AGAP1: variants seen among roughly 807,000 people sequenced by gnomAD.
AGAP1 encodes arf-GAP with GTPase, ANK repeat and PH domain-containing protein 1.
Under a neutral mutation model 105.3 loss-of-function variants are expected in AGAP1, and 29 were observed. The observed-to-expected ratio is 0.28, with a 90% confidence interval of 0.21 to 0.38. The LOEUF (loss-of-function observed/expected upper bound fraction) is 0.38, where lower values mean the gene tolerates loss of function less well. Among genes scored for constraint, AGAP1 ranks in the 10% least tolerant of loss-of-function variants. The probability of loss-of-function intolerance (pLI) is 1.00; values close to 1 mark genes in which losing one functional copy is unlikely to be tolerated. For synonymous variants in AGAP1, 509 were observed against 485.9 expected, an observed-to-expected ratio of 1.05 and a Z score of -0.63; for missense variants, 998 against 1,165.1, an observed-to-expected ratio of 0.86 and a Z score of 2.09.
At position 235,936,308 on chromosome 2, in the gene AGAP1, G is replaced by A. The variant is rs1302613559; in HGVS notation, c.1483+5385G>A. Among the ~76,000 whole-genome samples the A allele has an allele frequency of 6.6e-6, 1 of 152,202 alleles. No homozygotes were observed. Among genetic ancestry groups the A allele is most frequent in the Non-Finnish European group, 1.5e-5 (1 of 68,034 alleles). Reference sequence around the variant, plus strand: ...GAAGGAGTGTATCACATGTGTGTGTGTACGGGTGTATGCTCTGGTCCCTGT... The same window carrying A: ...GAAGGAGTGTATCACATGTGTGTGTATACGGGTGTATGCTCTGGTCCCTGT... On this transcript the variant is annotated intron_variant, in intron 12 of 17. Transcript: ENST00000304032. This position sits in a 1 kb window ranked among gnomAD's most constrained non-coding sequence, Gnocchi z 4.7.
rs946205015 is a variant in AGAP1 at position 235,572,204 on chromosome 2, G to A, written c.163+77355G>A. Among the ~76,000 whole-genome samples the A allele has an allele frequency of 6.9e-4, 104 of 151,602 alleles. 1 individual carries two copies. Among genetic ancestry groups the A allele is most frequent in the Non-Finnish European group, 1.5e-4 (10 of 67,916 alleles). On this transcript the variant is annotated intron_variant, in intron 1 of 17. Transcript: ENST00000304032. ...ATTACTGAGAGCCCTTGAGGGTGGGGGGAGATTGCGTGCCGTGCCCTGTGT... is the reference window on the plus strand; with the variant it reads ...ATTACTGAGAGCCCTTGAGGGTGGGAGGAGATTGCGTGCCGTGCCCTGTGT...
intron 16 of AGAP1, among the ~76,000 whole-genome samples, chr2:236,088,696 C>A (rs373041945): frequency 4.7e-4 from 72 of 152,290 alleles, no homozygotes; most frequent in African/African-American, 1.7e-3. Flanking sequence ...AAGTCCAGAG[C>A]GGTCTACATA....
Position 235,535,434 on chromosome 2 carries a change from CT to C in AGAP1, c.163+40590del, listed in dbSNP as rs912872036. 2.6e-5 allele frequency among the ~76,000 whole-genome samples: 4 copies of C among 151,968 alleles called. No homozygotes were observed. Among genetic ancestry groups the C allele is most frequent in the Non-Finnish European group, 4.4e-5 (3 of 68,012 alleles). ...TAAATGAAATTAGAACTTCACTGCC[CT>C]TTTTCTTTTTCCCATCGAGGTGCAG... is the stretch of plus-strand genomic sequence containing the variant. On this transcript the variant is annotated intron_variant, in intron 1 of 17. Coordinates refer to ENST00000304032, the MANE Select transcript of AGAP1 (RefSeq NM_001037131.3). This position sits in a 1 kb window ranked among gnomAD's most constrained non-coding sequence, Gnocchi z 5.1.
At position 235,544,532 on chromosome 2, in the gene AGAP1, C is replaced by T. The variant is rs576345109; in HGVS notation, c.163+49683C>T. On this transcript the variant is annotated intron_variant, in intron 1 of 17. Transcript: ENST00000304032. ...ATCGCTGGAAATCCATTTCTCAAGG[C>T]GAGGAGCCAGCCGGGCCGACCACGG... is the stretch of plus-strand genomic sequence containing the variant. 2.7e-3 allele frequency among the ~76,000 whole-genome samples: 405 copies of T among 152,288 alleles called. 1 individual carries two copies. Among genetic ancestry groups the T allele is most frequent in the Non-Finnish European group, 4.1e-3 (277 of 68,030 alleles).
rs1454107761 is a variant in AGAP1 at position 236,001,163 on chromosome 2, C to T, written c.1645+32540C>T. ...GAGACTCTGGCGGTGGCTGGGGCAGCGCGGCTGTGGGGCAGAGAATGCTGA... is the reference window on the plus strand; with the variant it reads ...GAGACTCTGGCGGTGGCTGGGGCAGTGCGGCTGTGGGGCAGAGAATGCTGA... On this transcript the variant is annotated intron_variant, in intron 13 of 17. Transcript: ENST00000304032. The surrounding 1 kb of genome is among the most constrained non-coding windows in gnomAD (Gnocchi z 4.7). Among the ~76,000 whole-genome samples the T allele has an allele frequency of 3.3e-5, 5 of 152,212 alleles. No homozygotes were observed. The highest frequency in any genetic ancestry group is 4.1e-4 in the South Asian group (2 of 4,822).
In AGAP1 at chr2:235,934,358, C is replaced by T. The variant is rs2052882149; in HGVS notation, c.1483+3435C>T. Among the ~76,000 whole-genome samples the T allele has an allele frequency of 6.6e-6, 1 of 152,182 alleles. No individual in the cohort carries two copies. The highest frequency in any genetic ancestry group is 1.5e-5 in the Non-Finnish European group (1 of 68,034). On this transcript the variant is annotated intron_variant, in intron 12 of 17. Coordinates refer to ENST00000304032, the MANE Select transcript of AGAP1 (RefSeq NM_001037131.3). The surrounding 1 kb of genome is among the most constrained non-coding windows in gnomAD (Gnocchi z 4.9). ...TGGCTGGTGATGCAGAATTCAGGCT[C>T]CACCCAGGCCTGCTGGACGCATCCT...
intron 3 of AGAP1, among the ~76,000 whole-genome samples, chr2:235,722,139 A>G (rs2149569202): frequency 6.6e-6 from 1 of 152,310 alleles, no homozygotes; most frequent in Middle Eastern, 3.4e-3. Flanking sequence ...CAGATTCCTT[A>G]ATTGGGTGTG....
At chr2:235,696,277 C>T (rs1287346524) in intron 1 of AGAP1, among the ~76,000 whole-genome samples, 1 of 152,190 alleles carries the variant, frequency 6.6e-6, no homozygotes, top group Non-Finnish European at 1.5e-5. Flanking sequence ...AACTCCTGAC[C>T]TCGGGTGATC....
At position 235,957,562 on chromosome 2, in the gene AGAP1, C is replaced by T. The variant is rs1294546554; in HGVS notation, c.1484-10900C>T. Among the ~76,000 whole-genome samples, 1 of 152,162 alleles carries T rather than the reference C, an allele frequency of 6.6e-6. No homozygotes were observed. Among genetic ancestry groups the T allele is most frequent in the Non-Finnish European group, 1.5e-5 (1 of 68,034 alleles). ...AGAGATGGGGAATTCAAGTCAACCT[C>T]CTCCCGCTGAAAGCTCCCGTCAAAA... On this transcript the variant is annotated intron_variant, in intron 12 of 17. Transcript: ENST00000304032. This position sits in a 1 kb window ranked among gnomAD's most constrained non-coding sequence, Gnocchi z 4.6.
chr2:235,499,435 T>C (rs1415698874), intron 1 of AGAP1, among the ~76,000 whole-genome samples: 2 of 152,234 alleles, frequency 1.3e-5, no homozygotes, highest in Admixed American at 1.3e-4. Context: ...AGTGTCATGT[T>C]TCTTTGTCAC....
In AGAP1 at chr2:236,005,217, G is replaced by A. The variant is rs546566234; in HGVS notation, c.1646-31344G>A. On this transcript the variant is annotated intron_variant, in intron 13 of 17. Coordinates refer to ENST00000304032, the MANE Select transcript of AGAP1 (RefSeq NM_001037131.3). The surrounding 1 kb of genome is among the most constrained non-coding windows in gnomAD (Gnocchi z 4.1). ...GCTGGAGTGCAATGGTGCAATCTTG[G>A]CTCTTGCAACCTCCGCCTCCCAGAC... Among the ~76,000 whole-genome samples, 7 of 152,158 alleles carry A rather than the reference G, an allele frequency of 4.6e-5. No homozygotes were observed. Among genetic ancestry groups the A allele is most frequent in the African/African-American group, 1.7e-4 (7 of 41,536 alleles).
In AGAP1 at chr2:236,040,497, G is replaced by T; in HGVS notation, c.1801-254G>T. ...CAGATGATCCAGAACTCTCCTCTTT[G>T]CTCATTTCTGGCAGAGTCCGTCTCA... On this transcript the variant is annotated intron_variant, in intron 14 of 17. Transcript: ENST00000304032. This position sits in a 1 kb window ranked among gnomAD's most constrained non-coding sequence, Gnocchi z 5.6. 3 of 525,552 alleles carry T rather than the reference G, an allele frequency of 5.7e-6. No homozygotes were observed. The highest frequency in any genetic ancestry group is 1.0e-5 in the Non-Finnish European group (3 of 292,320). 32.6% of individuals were successfully genotyped at this position (525,552 alleles called of 1,614,324 possible).
chr2:236,077,381 C>T (rs766398264), intron 16 of AGAP1, among the ~76,000 whole-genome samples: 9 of 149,712 alleles, frequency 6.0e-5, no homozygotes, highest in East Asian at 2.0e-4. Context: ...TGCAGTGGCG[C>T]GATCTCAGCT....
intron 11 of AGAP1, among the ~76,000 whole-genome samples, chr2:235,928,523 T>G (rs1211989187): frequency 6.6e-6 from 1 of 152,170 alleles, no homozygotes; most frequent in Non-Finnish European, 1.5e-5. Flanking sequence ...TCACCATTGG[T>G]TGAGCCCAGT....
At chr2:235,595,585 T>G (rs969339635) in intron 1 of AGAP1, among the ~76,000 whole-genome samples, 19 of 152,138 alleles carry the variant, frequency 1.2e-4, no homozygotes, top group Non-Finnish European at 2.4e-4. Flanking sequence ...AAGGCTGGAT[T>G]TTTGGGGGAC....
rs1325452003 is a variant in AGAP1, at chr2:235,900,137, G to A, written c.1156-8601G>A. 6.6e-6 allele frequency among the ~76,000 whole-genome samples: 1 copy of A among 152,142 alleles called. No individual in the cohort carries two copies. Among genetic ancestry groups the A allele is most frequent in the Admixed American group, 6.5e-5 (1 of 15,278 alleles). On this transcript the variant is annotated intron_variant, in intron 10 of 17. Transcript: ENST00000304032. The surrounding 1 kb of genome is among the most constrained non-coding windows in gnomAD (Gnocchi z 5.5). ...GCTGCCACCACTGGTCCCCAACAAG[G>A]CCTCACCAGCCTTCTCGTTTACCAC...
At position 235,994,563 on chromosome 2, in the gene AGAP1, T is replaced by C. The variant is rs2125470056; in HGVS notation, c.1645+25940T>C. Reference sequence around the variant, plus strand: ...GTGGGGACACACTGAGAGGTTACTTTCTACCAAACTGTTTCCTAATTGCAC... The same window carrying C: ...GTGGGGACACACTGAGAGGTTACTTCCTACCAAACTGTTTCCTAATTGCAC... On this transcript the variant is annotated intron_variant, in intron 13 of 17. Transcript: ENST00000304032. This position sits in a 1 kb window ranked among gnomAD's most constrained non-coding sequence, Gnocchi z 4.4. Among the ~76,000 whole-genome samples, 1 of 152,262 alleles carries C rather than the reference T, an allele frequency of 6.6e-6. No homozygotes were observed. Among genetic ancestry groups the C allele is most frequent in the African/African-American group, 2.4e-5 (1 of 41,566 alleles).
chr2:235,795,495 T>C (rs992785049), intron 6 of AGAP1, among the ~76,000 whole-genome samples: 8 of 152,238 alleles, frequency 5.3e-5, no homozygotes, highest in Non-Finnish European at 1.2e-4. Context: ...CAGATACTTT[T>C]TGTTCTTCAT....
chr2:236,118,854 C>A (rs183917311), intron 16 of AGAP1, among the ~76,000 whole-genome samples: 16 of 152,042 alleles, frequency 1.1e-4, no homozygotes, highest in African/African-American at 3.1e-4. Context: ...TCCCCTCTAG[C>A]GGTGCTGCAG....
Sources: gnomAD v4.1 joint callset for allele counts (sites outside exome capture counted in the v4.1 genomes callset) on GRCh38, gnomAD v4.1.1 for gene constraint, Gnocchi (gnomAD v3.1) non-coding constraint, MANE v1.5 for transcripts, NCBI Gene and HGNC (gene_info 2026-07-23, HGNC 2026-07-21) for gene names.